LEPR: variants seen among roughly 807,000 people sequenced by gnomAD.
LEPR encodes OB receptor.
A neutral mutation model predicts 114.7 loss-of-function variants in LEPR; 56 were observed. The ratio of observed to expected loss-of-function variants is 0.49; its 90% CI spans 0.39 to 0.61. LEPR has a LOEUF of 0.61. Ranked by LOEUF, LEPR falls within the 20% of genes least tolerant of loss-of-function variation. LEPR has a pLI of 0.00. For synonymous variants in LEPR, 443 were observed against 461.4 expected (o/e 0.96, Z 0.51); for missense variants, 1,202 against 1,352.9 (o/e 0.89, Z 1.75).
intron 2 of LEPR, among the ~76,000 whole-genome samples, chr1:65,450,144 T>A (rs1166379385): frequency 2.0e-5 from 3 of 152,324 alleles, no homozygotes; most frequent in East Asian, 1.9e-4. Flanking sequence ...TGCTAAGGTG[T>A]GTTTTATGGC....
At chr1:65,540,551 T>A (rs1372584228) in intron 2 of LEPR, among the ~76,000 whole-genome samples, 1 of 152,192 alleles carries the variant, frequency 6.6e-6, no homozygotes, top group Non-Finnish European at 1.5e-5. Context: ...CCACCATGAC[T>A]GTAAGCTTCT....
chr1:65,494,881 AT>A (rs1317724203), intron 2 of LEPR, among the ~76,000 whole-genome samples: 2 of 152,138 alleles, frequency 1.3e-5, no homozygotes, highest in Non-Finnish European at 2.9e-5. Context: ...TCATAATGGC[AT>A]TTTTTTCACT....
At chr1:65,488,898 A>G (rs1327398457) in intron 2 of LEPR, among the ~76,000 whole-genome samples, 2 of 152,044 alleles carry the variant, frequency 1.3e-5, no homozygotes, top group African/African-American at 2.4e-5. Flanking sequence ...GGCTTATTTC[A>G]CCGAATATAA....
chr1:65,504,986 G>A (rs1648649571), intron 2 of LEPR, among the ~76,000 whole-genome samples: 1 of 152,118 alleles, frequency 6.6e-6, no homozygotes, highest in Non-Finnish European at 1.5e-5. Flanking sequence ...GTGTGAGAAG[G>A]GATCAGTATT....
intron 2 of LEPR, among the ~76,000 whole-genome samples, chr1:65,465,571 G>T (rs973201254): frequency 7.9e-5 from 12 of 152,096 alleles, no homozygotes; most frequent in Admixed American, 6.6e-5. Context: ...TTCAAGTTCT[G>T]GTTATCCTTG....
At chr1:65,481,091 T>C (rs1647224866) in intron 2 of LEPR, among the ~76,000 whole-genome samples, 1 of 152,210 alleles carries the variant, frequency 6.6e-6, no homozygotes, top group African/African-American at 2.4e-5. Context: ...GGCTTGCAGA[T>C]GACTGACTGC....
chr1:65,470,846 G>A (rs1034384232), intron 2 of LEPR, among the ~76,000 whole-genome samples: 1 of 152,150 alleles, frequency 6.6e-6, no homozygotes, highest in Admixed American at 6.5e-5. Flanking sequence ...TAATAACTAG[G>A]TAATTCTAAA....
At chr1:65,568,276 G>C (rs1392211648) in intron 3 of LEPR, among the ~76,000 whole-genome samples, 2 of 151,790 alleles carry the variant, frequency 1.3e-5, no homozygotes, top group Non-Finnish European at 2.9e-5. Flanking sequence ...TTTAGATTCA[G>C]AGGTTACAAG....
intron 2 of LEPR, among the ~76,000 whole-genome samples, chr1:65,510,494 C>G (rs546240132): frequency 6.6e-6 from 1 of 152,200 alleles, no homozygotes; most frequent in East Asian, 1.9e-4. Context: ...CCTCACGTGG[C>G]CTTTGCTCCT....
chr1:65,440,406 G>A (rs1417264758), intron 2 of LEPR, among the ~76,000 whole-genome samples: 1 of 150,842 alleles, frequency 6.6e-6, no homozygotes, highest in Admixed American at 6.6e-5. Flanking sequence ...TCACAAATAA[G>A]TCAAATGGAT....
intron 19 of LEPR, among the ~76,000 whole-genome samples, chr1:65,624,499 G>A (rs1005392268): frequency 3.5e-4 from 53 of 151,606 alleles, no homozygotes; most frequent in African/African-American, 1.2e-3. Context: ...TTTCTTCTTC[G>A]CCATGACCCA....
At chr1:65,440,085 G>T (rs907083976) in intron 2 of LEPR, among the ~76,000 whole-genome samples, 4 of 150,908 alleles carry the variant, frequency 2.7e-5, no homozygotes, top group African/African-American at 9.7e-5. Context: ...AAGGCATAGA[G>T]AATGACTTAC....
chr1:65,611,378 G>C (rs1286241234), intron 14 of LEPR, among the ~76,000 whole-genome samples: 1 of 152,154 alleles, frequency 6.6e-6, no homozygotes, highest in African/African-American at 2.4e-5. Context: ...ACCGCGGAAG[G>C]GGGCACTGCT....
chr1:65,598,568 CT>C, intron 7 of LEPR, 91 bp from the exon 8 acceptor site: 1 of 1,550,988 alleles, frequency 6.4e-7, no homozygotes, highest in Non-Finnish European at 8.8e-7. Context: ...GATATTAATT[CT>C]TTGAAATTTG....
At chr1:65,609,118 G>A (rs982711729) in intron 12 of LEPR, among the ~76,000 whole-genome samples, 5 of 152,140 alleles carry the variant, frequency 3.3e-5, no homozygotes, top group Admixed American at 3.3e-4. Context: ...TAGAACGTTG[G>A]TTGCATATTA....
chr1:65,574,756 C>T (rs976065811), intron 5 of LEPR, among the ~76,000 whole-genome samples: 5 of 151,864 alleles, frequency 3.3e-5, no homozygotes, highest in Admixed American at 3.3e-4. Context: ...CTTAATGAGC[C>T]AAAAAGTTAA....
chr1:65,524,975 A>G (rs1350870013), intron 2 of LEPR, among the ~76,000 whole-genome samples: 1 of 152,214 alleles, frequency 6.6e-6, no homozygotes, highest in Non-Finnish European at 1.5e-5. Context: ...ACTGTTCAAG[A>G]GTACTTTCAA....
At chr1:65,486,492 A>G (rs1246413598) in intron 2 of LEPR, 2 of 152,230 alleles carry the variant, frequency 1.3e-5, no homozygotes, top group Non-Finnish European at 2.9e-5. Flanking sequence ...AGGACCACAT[A>G]TCATATGTAA....
intron 2 of LEPR, among the ~76,000 whole-genome samples, chr1:65,518,911 T>TTCTC (rs1176769587): frequency 3.2e-4 from 27 of 85,332 alleles, no homozygotes; most frequent in African/African-American, 9.1e-4. Flanking sequence ...CTTTCTTTCT[T>TTCTC]TCTTTCTCTC....
Sources: allele counts gnomAD v4.1 joint callset (sites outside exome capture counted in the v4.1 genomes callset), GRCh38; gene constraint gnomAD v4.1.1; transcripts MANE v1.5; gene names NCBI Gene and HGNC (gene_info 2026-07-23, HGNC 2026-07-21).